DHX36: variants seen among roughly 807,000 people sequenced by gnomAD.
The protein encoded by DHX36 is ATP-dependent DNA/RNA helicase DHX36.
DHX36 carries 50 observed loss-of-function variants against 139.0 expected under a neutral mutation model. The observed-to-expected ratio is 0.36, with a 90% CI of 0.29 to 0.46. DHX36 has a LOEUF of 0.46. Ranked by LOEUF, DHX36 falls within the 20% of genes least tolerant of loss-of-function variation. The pLI is 1.00. For missense variants in DHX36, 1,024 were observed against 1,211.3 expected (o/e 0.85, Z 2.29); for synonymous variants, 425 against 401.9 (o/e 1.06, Z -0.69).
In DHX36 at chr3:154,276,333, A is replaced by C. The variant is rs144256684; in HGVS notation, c.2865T>G (p.Ile955Met). Residue 955 changes from isoleucine (I) to methionine (M), a missense_variant, in exon 25 of 25, where the codon ATT (isoleucine) becomes ATG (methionine). Ile to Met is a conservative substitution (Grantham distance 10, BLOSUM62 1). Coordinates refer to ENST00000496811, the MANE Select transcript of DHX36 (RefSeq NM_020865.3). Reference sequence around the variant, plus strand: ...GACTTTCAATCTTCTCTTGCAGAAGAATATCTAGTTCCTTTCTTAATTCCT... The same window carrying C: ...GACTTTCAATCTTCTCTTGCAGAAGCATATCTAGTTCCTTTCTTAATTCCT... ...LVKELRKELD[I>M]LLQEKIESPH... 34 of 1,612,838 alleles carry C rather than the reference A, an allele frequency of 2.1e-5. No homozygotes were observed. Among genetic ancestry groups the C allele is most frequent in the Non-Finnish European group, 2.7e-5 (32 of 1,179,816 alleles).
chr3:154,304,781 T>C (rs772612550), intron 8 of DHX36, 25 bp downstream of exon 8: 3 of 1,479,022 alleles, frequency 2.0e-6, no homozygotes, highest in Non-Finnish European at 1.8e-6. Context: ...CCTTTTCTAA[T>C]GTAATAACTA....
intron 1 of DHX36, among the ~76,000 whole-genome samples, chr3:154,322,616 C>A (rs763063161): frequency 6.6e-6 from 1 of 152,190 alleles, no homozygotes. Flanking sequence ...AGGATGGGAA[C>A]GCAAGTAGAA....
intron 13 of DHX36, among the ~76,000 whole-genome samples, chr3:154,294,396 CAA>C (rs1443098678): frequency 6.6e-6 from 1 of 152,086 alleles, no homozygotes; most frequent in Non-Finnish European, 1.5e-5. Context: ...TGCAAACAAA[CAA>C]AAAGCAAAAA....
intron 12 of DHX36, among the ~76,000 whole-genome samples, chr3:154,295,928 T>A (rs1434515404): frequency 6.6e-6 from 1 of 151,972 alleles, no homozygotes; most frequent in Non-Finnish European, 1.5e-5. Flanking sequence ...CAACCATGTT[T>A]GGCTAATTTT....
At chr3:154,321,409 T>G (rs1713180311) in intron 1 of DHX36, among the ~76,000 whole-genome samples, 1 of 152,226 alleles carries the variant, frequency 6.6e-6, no homozygotes. Context: ...TTCACTTTGT[T>G]ATCTTTCAAG....
At chr3:154,307,264 T>C (rs1223371766) in intron 5 of DHX36, among the ~76,000 whole-genome samples, 1 of 151,950 alleles carries the variant, frequency 6.6e-6, no homozygotes, top group African/African-American at 2.4e-5. Flanking sequence ...AAAATAAAAA[T>C]AGACAAATGG....
intron 11 of DHX36, among the ~76,000 whole-genome samples, chr3:154,300,385 A>C (rs1287404974): frequency 6.6e-6 from 1 of 152,250 alleles, no homozygotes; most frequent in Non-Finnish European, 1.5e-5. Flanking sequence ...CTTTTAAAAA[A>C]TGAGATTTAT....
chr3:154,324,276 T>C lies in DHX36; in HGVS notation c.141A>G (p.Arg47=). 6.8e-6 allele frequency: 11 copies of C among 1,613,392 alleles called. No homozygotes were observed. Among genetic ancestry groups the C allele is most frequent in the Non-Finnish European group, 9.3e-6 (11 of 1,179,694 alleles). ...GCCCGGGATGCCGGCCCCTGCCGCCTCGACCACCCCCTCCGCCGCCGCCGC... is the reference window on the plus strand; with the variant it reads ...GCCCGGGATGCCGGCCCCTGCCGCCCCGACCACCCCCTCCGCCGCCGCCGC... ...GGGGGGGGGG[R]GGRGRHPGHL... The change falls in exon 1 of 25, where the codon CGA becomes CGG. Residue 47 remains arginine (R), a synonymous_variant. Coordinates refer to ENST00000496811, the MANE Select transcript of DHX36 (RefSeq NM_020865.3).
chr3:154,292,444 A>G (rs549171689), intron 15 of DHX36, 107 bp downstream of exon 15: 5 of 1,461,084 alleles, frequency 3.4e-6, no homozygotes, highest in South Asian at 2.5e-5. Context: ...GCTCAAAATA[A>G]TAAGAAAGGT....
At chr3:154,292,508 T>G in intron 15 of DHX36, 43 bp downstream of exon 15, 2 of 1,609,072 alleles carry the variant, frequency 1.2e-6, no homozygotes, top group Non-Finnish European at 8.5e-7. Context: ...TTACACAAAA[T>G]TTTTGTGTGT....
intron 2 of DHX36, 115 bp downstream of exon 2, chr3:154,315,924 A>T: frequency 2.4e-6 from 3 of 1,265,910 alleles, no homozygotes; most frequent in Non-Finnish European, 3.2e-6. Context: ...AATCTACATA[A>T]GGAAAAAAAG....
chr3:154,280,607 G>A lies in DHX36; in HGVS notation c.2539C>T (p.Arg847Ter). The A allele has an allele frequency of 1.2e-6, 2 of 1,612,084 alleles. No individual in the cohort carries two copies. The highest frequency in any genetic ancestry group is 2.2e-5 in the East Asian group (1 of 44,800). ...AGLYPKVAKIRLNLGKKRKMV... is the reference protein window; with the variant it reads ...AGLYPKVAKI ...TTTCTTTTTTTACCCAAATTTAGTC[G>A]AATTTTAGCAACTTTGGGATATAAA... Residue 847 changes from arginine to a stop codon, truncating the protein, a stop_gained, in exon 22 of 25, where the codon CGA (arginine) becomes TGA (stop). Coordinates refer to ENST00000496811, the MANE Select transcript of DHX36 (RefSeq NM_020865.3). LOFTEE classifies it high-confidence loss of function.
intron 13 of DHX36, among the ~76,000 whole-genome samples, chr3:154,294,287 A>T (rs1484913688): frequency 6.6e-6 from 1 of 152,194 alleles, no homozygotes; most frequent in African/African-American, 2.4e-5. Context: ...GAAAAAAAAA[A>T]ATCCTCTTTA....
In DHX36 at chr3:154,275,978, GTA is replaced by G. The variant is rs35550732; in HGVS notation, c.*191_*192del. 0.45 allele frequency: 140,463 copies of G among 308,762 alleles called. 16,821 individuals carry two copies. The highest frequency in any genetic ancestry group is 0.53 in the South Asian group (3,880 of 7,312). 19.1% of individuals were successfully genotyped at this position (308,762 alleles called of 1,614,324 possible). A position where few individuals can be genotyped will look rare whatever the true frequency, so the allele number is the denominator to read the frequency against. On this transcript the variant is annotated 3_prime_UTR_variant, in exon 25 of 25. Coordinates refer to ENST00000496811, the MANE Select transcript of DHX36 (RefSeq NM_020865.3). ...GATCAGAGAACATATTGCTTTTATGGTATATATATATATATATATATATCTCT... is the reference window on the plus strand; with the variant it reads ...GATCAGAGAACATATTGCTTTTATGGTATATATATATATATATATATCTCT...
intron 19 of DHX36, among the ~76,000 whole-genome samples, chr3:154,283,707 A>G (rs1306526773): frequency 6.6e-6 from 1 of 152,086 alleles, no homozygotes; most frequent in African/African-American, 2.4e-5. Context: ...TCAAAGACAA[A>G]AAAACATGAA....
intron 15 of DHX36, 148 bp from the exon 16 acceptor site, chr3:154,289,974 T>C (rs78312948): frequency 2.7e-4 from 147 of 553,250 alleles, no homozygotes; most frequent in East Asian, 2.4e-3. Flanking sequence ...TATTTTTTCC[T>C]TTTTATGAAT....
At chr3:154,290,177 T>TC (rs1376160811) in intron 15 of DHX36, among the ~76,000 whole-genome samples, 7 of 152,166 alleles carry the variant, frequency 4.6e-5, no homozygotes, top group African/African-American at 1.7e-4. Context: ...TGCCTTGTGA[T>TC]CAATCTTATT....
chr3:154,284,457 A>G (rs1711501313), intron 19 of DHX36, 126 bp downstream of exon 19: 1 of 749,940 alleles, frequency 1.3e-6, no homozygotes, highest in South Asian at 2.0e-5. Flanking sequence ...CTATGATTAC[A>G]GGCATGAGCC....
At chr3:154,288,644 G>A (rs1711656310) in intron 17 of DHX36, among the ~76,000 whole-genome samples, 1 of 152,002 alleles carries the variant, frequency 6.6e-6, no homozygotes, top group African/African-American at 2.4e-5. Context: ...TGTGCAAAAA[G>A]ATCCTAGTCT....
Sources: allele counts gnomAD v4.1 joint callset (sites outside exome capture counted in the v4.1 genomes callset), GRCh38; gene constraint gnomAD v4.1.1; transcripts MANE v1.5; gene names NCBI Gene and HGNC (gene_info 2026-07-23, HGNC 2026-07-21).